The following HBP1 variants were observed in gnomAD, a reference collection of about 807,000 sequenced individuals.
HBP1 encodes HMG box-containing protein 1.
A neutral mutation model predicts 62.6 loss-of-function variants in HBP1; 20 were observed. That is an observed-to-expected ratio of 0.32 (90% CI 0.22 to 0.46). HBP1 has a LOEUF of 0.46. HBP1 is among the 20% of genes least tolerant of loss of function. HBP1 has a pLI of 1.00. For synonymous variants in HBP1, 232 were observed against 206.2 expected (o/e 1.12, Z -1.07); for missense variants, 480 against 611.8 (o/e 0.78, Z 2.27).
At chr7:107,179,606 T>C in intron 1 of HBP1, 1 of 190,372 alleles carries the variant, frequency 5.3e-6, no homozygotes, top group Non-Finnish European at 1.1e-5. Context: ...ACCCCATCTC[T>C]ACTAAAAATA....
At chr7:107,175,635 A>G (rs1796800625) in intron 1 of HBP1, among the ~76,000 whole-genome samples, 1 of 151,806 alleles carries the variant, frequency 6.6e-6, no homozygotes, top group African/African-American at 2.4e-5. Flanking sequence ...ACTAGATTCT[A>G]TATTCTGATC....
rs367641713 is a variant in HBP1 at position 107,171,860 on chromosome 7, C to CAAA, written c.-16+2691_-16+2693dup. ...GGGCATCAGAACGAGACTTCCTCTC[C>CAAA]AAAAAAAAAAAAAAAAAAGAGTCAA... On this transcript the variant is annotated intron_variant, in intron 1 of 10. Coordinates refer to ENST00000222574, the MANE Select transcript of HBP1 (RefSeq NM_012257.4). Among the ~76,000 whole-genome samples the CAAA allele has an allele frequency of 4.7e-3, 302 of 63,880 alleles. 2 individuals are homozygous for CAAA. The highest frequency in any genetic ancestry group is 0.02 in the African/African-American group (279 of 14,130). The allele number at this position is 63,880 out of a possible 152,430, so 41.9% of individuals were successfully genotyped here.
chr7:107,171,088 T>TTTTTTTTTTTTTTTTTTGTGG, intron 1 of HBP1, among the ~76,000 whole-genome samples: 1 of 134,210 alleles, frequency 7.5e-6, no homozygotes, highest in East Asian at 2.1e-4. Flanking sequence ...TTTTTTTTTT[T>TTTTTTTTTTTTTTTTTTGTGG]GAGAGGGAGT....
chr7:107,199,669 A>G (rs1798115776), intron 9 of HBP1, among the ~76,000 whole-genome samples: 1 of 152,204 alleles, frequency 6.6e-6, no homozygotes, highest in African/African-American at 2.4e-5. Flanking sequence ...AGACTGTTTT[A>G]GTAGGTTTCA....
chr7:107,186,186 A>C (rs1797366755), intron 4 of HBP1, among the ~76,000 whole-genome samples, 175 bp from the exon 5 acceptor site: 1 of 129,478 alleles, frequency 7.7e-6, no homozygotes, highest in Non-Finnish European at 1.7e-5. Context: ...TTTTTTTAGC[A>C]AATTCTCCCA....
rs878891724 is a variant in HBP1, at chr7:107,185,848, A to G, written c.446A>G (p.Tyr149Cys). The change falls in exon 4 of 11, where the codon TAT becomes TGT. Residue 149 changes from tyrosine (Y) to cysteine (C), a missense_variant. By Grantham distance (194) the Tyr-to-Cys change is radical. Coordinates refer to ENST00000222574, the MANE Select transcript of HBP1 (RefSeq NM_012257.4). ...IIATSKSLHS[Y>C]ARPPPVSSSS... ...GCCACTAGCAAAAGTTTACATTCCT[A>G]TGCACGCCCTCCACCAGTGTCCTCT... 21 of 1,612,958 alleles carry G rather than the reference A, an allele frequency of 1.3e-5. 1 individual carries two copies. The Admixed American group carries it at 2.2e-4, about 17-fold the overall frequency.
In HBP1 at chr7:107,201,548, G is replaced by T. The variant is rs1798308457; in HGVS notation, c.*117G>T. The T allele has an allele frequency of 5.2e-6, 3 of 576,616 alleles. No homozygotes were observed. The highest frequency in any genetic ancestry group is 9.6e-6 in the Non-Finnish European group (3 of 313,316). The allele number at this position is 576,616 out of a possible 1,614,324, so 35.7% of individuals were successfully genotyped here. On this transcript the variant is annotated 3_prime_UTR_variant, in exon 11 of 11. Transcript: ENST00000222574. ...TCAATTCGTGTGACCATAAGATACT[G>T]ATAGCATTGAGTCTTGAAATGATTT...
At chr7:107,186,156 C>CTTTTTTTCTTTTTT (rs1797355031) in intron 4 of HBP1, among the ~76,000 whole-genome samples, 1 of 127,274 alleles carries the variant, frequency 7.9e-6, no homozygotes, top group African/African-American at 2.9e-5. Flanking sequence ...TCTTTTTTTT[C>CTTTTTTTCTTTTTT]TTTTTTTTTC....
intron 1 of HBP1, among the ~76,000 whole-genome samples, chr7:107,178,995 C>T (rs1271977091): frequency 6.6e-6 from 1 of 152,202 alleles, no homozygotes; most frequent in Non-Finnish European, 1.5e-5. Context: ...GATTGTGCCA[C>T]TGCACTCCAG....
intron 1 of HBP1, among the ~76,000 whole-genome samples, chr7:107,178,251 G>A (rs897774196): frequency 1.3e-5 from 2 of 152,024 alleles, no homozygotes; most frequent in Admixed American, 1.3e-4. Flanking sequence ...TGAAGTTGTC[G>A]TCCCCCTTCA....
At position 107,186,268 on chromosome 7, in the gene HBP1, A is replaced by G. The variant is rs3779499; in HGVS notation, c.541-93A>G. 86 of 741,556 alleles carry G rather than the reference A, an allele frequency of 1.2e-4. 1 individual carries two copies. The East Asian group carries it at 2.2e-3, about 19-fold the overall frequency. The allele number at this position is 741,556 out of a possible 1,614,324, so 45.9% of individuals were successfully genotyped here. A position where few individuals can be genotyped will look rare whatever the true frequency, so the allele number is the denominator to read the frequency against. On this transcript the variant is annotated intron_variant, in intron 4 of 10. Transcript: ENST00000222574. ...GTTAGAATTACTAAGTTATCCACCT[A>G]TAAGCATGGGCCTAAAGACGTGGGA...
intron 1 of HBP1, among the ~76,000 whole-genome samples, chr7:107,179,277 G>T (rs182028771): frequency 6.6e-6 from 1 of 152,250 alleles, no homozygotes; most frequent in African/African-American, 2.4e-5. Flanking sequence ...TGAAAGGACG[G>T]TTACTAGGTT....
intron 2 of HBP1, among the ~76,000 whole-genome samples, chr7:107,180,347 T>G (rs1369079328): frequency 1.3e-5 from 2 of 152,248 alleles, no homozygotes. Flanking sequence ...AAGATGCTAC[T>G]TTTGAAATAT....
chr7:107,191,940 C>G (rs939296636), intron 8 of HBP1, among the ~76,000 whole-genome samples: 6 of 151,972 alleles, frequency 3.9e-5, no homozygotes, highest in South Asian at 2.1e-4. Flanking sequence ...CAAAAAAATA[C>G]TAATACAAAG....
chr7:107,171,086 T>G (rs1796567488), intron 1 of HBP1, among the ~76,000 whole-genome samples: 2 of 135,626 alleles, frequency 1.5e-5, no homozygotes, highest in Non-Finnish European at 3.1e-5. Flanking sequence ...TTTTTTTTTT[T>G]TTGAGAGGGA....
intron 1 of HBP1, among the ~76,000 whole-genome samples, chr7:107,179,377 A>C (rs1340060302): frequency 2.0e-5 from 3 of 152,200 alleles, no homozygotes; most frequent in Non-Finnish European, 4.4e-5. Context: ...TTGAAATGTG[A>C]TTTAGTGCTG....
In HBP1 at chr7:107,170,070, CG is replaced by C. The variant is rs1172076426; in HGVS notation, c.-16+886del. ...CACTCTCCGCTGTGCACTCTACACT[CG>C]AGTTCATTCTTAGGGAGTTTTCAGC... is the stretch of plus-strand genomic sequence containing the variant. On this transcript the variant is annotated intron_variant, in intron 1 of 10. Coordinates refer to ENST00000222574, the MANE Select transcript of HBP1 (RefSeq NM_012257.4). The C allele has an allele frequency of 1.1e-5, 11 of 985,098 alleles. No homozygotes were observed. In the East Asian group the frequency reaches 5.7e-4, roughly 51 times the overall value. 61.0% of individuals were successfully genotyped at this position (985,098 alleles called of 1,614,324 possible).
At chr7:107,193,438 C>G (rs1392163041) in intron 8 of HBP1, 1 of 152,090 alleles carries the variant, frequency 6.6e-6, no homozygotes, top group African/African-American at 2.4e-5. Flanking sequence ...GATACTTCTA[C>G]AATAATAGAT....
chr7:107,196,472 G>A (rs1797910188), intron 9 of HBP1: 1 of 348,578 alleles, frequency 2.9e-6, no homozygotes, highest in African/African-American at 2.2e-5. Flanking sequence ...GTTTCACCAT[G>A]TTGGCCAGGC....
Sources: gnomAD v4.1 joint callset for allele counts (sites outside exome capture counted in the v4.1 genomes callset) on GRCh38, gnomAD v4.1.1 for gene constraint, MANE v1.5 for transcripts, NCBI Gene and HGNC (gene_info 2026-07-23, HGNC 2026-07-21) for gene names.